SLC4A4: variants seen among roughly 807,000 people sequenced by gnomAD.
SLC4A4 encodes electrogenic sodium bicarbonate cotransporter 1.
In SLC4A4, 27 loss-of-function variants were observed where a neutral mutation model predicts 111.5. The ratio of observed to expected loss-of-function variants is 0.24; its 90% CI spans 0.18 to 0.33. The LOEUF (loss-of-function observed/expected upper bound fraction) is 0.33. Among genes scored for constraint, SLC4A4 ranks in the 10% least tolerant of loss-of-function variants. SLC4A4 has a pLI of 1.00. For synonymous variants in SLC4A4, 443 were observed against 463.4 expected (o/e 0.96, Z 0.57); for missense variants, 909 against 1,315.5 (o/e 0.69, Z 4.78).
chr4:71,514,534 T>A (rs1732207203), intron 16 of SLC4A4, among the ~76,000 whole-genome samples: 1 of 152,180 alleles, frequency 6.6e-6, no homozygotes, highest in African/African-American at 2.4e-5. Flanking sequence ...ACAGAAAAAT[T>A]CCCTCCTCTT....
At chr4:71,456,688 T>C (rs982945210) in intron 12 of SLC4A4, among the ~76,000 whole-genome samples, 6 of 152,164 alleles carry the variant, frequency 3.9e-5, no homozygotes, top group Non-Finnish European at 8.8e-5. Flanking sequence ...GAGATAAAGA[T>C]AGATGAGCAA....
At chr4:71,381,608 A>G (rs1451443472) in intron 6 of SLC4A4, among the ~76,000 whole-genome samples, 2 of 152,114 alleles carry the variant, frequency 1.3e-5, no homozygotes, top group East Asian at 1.9e-4. Context: ...TCATCAATTC[A>G]TTCATTCATT....
chr4:71,256,562 A>C (rs75619692), intron 3 of SLC4A4, among the ~76,000 whole-genome samples: 1 of 152,162 alleles, frequency 6.6e-6, no homozygotes, highest in Non-Finnish European at 1.5e-5. Context: ...AATTAAAAGC[A>C]TTGAAATAAA....
intron 6 of SLC4A4, among the ~76,000 whole-genome samples, chr4:71,385,202 T>A (rs1240983377): frequency 2.0e-5 from 2 of 102,182 alleles, no homozygotes; most frequent in Admixed American, 1.0e-4. Flanking sequence ...TTTTTTTTTT[T>A]TTTTTTTTTT....
chr4:71,422,027 A>T (rs1406174805), intron 7 of SLC4A4, among the ~76,000 whole-genome samples: 1 of 152,018 alleles, frequency 6.6e-6, no homozygotes, highest in Middle Eastern at 3.4e-3. Context: ...AAAACCCTTC[A>T]AAAAATTAAT....
intron 1 of SLC4A4, among the ~76,000 whole-genome samples, chr4:71,065,495 A>G (rs1239271950): frequency 6.6e-6 from 1 of 150,730 alleles, no homozygotes; most frequent in African/African-American, 2.4e-5. Flanking sequence ...ATGAAAATAT[A>G]TTTTCTTCAA....
rs550269652 is a variant in SLC4A4, at chr4:71,318,688, A to G, written c.254-20682A>G. ...GATTAGGTGAATATAACATTACAAGAACTAGGCATTGGCCAGCTTTTCTTT... is the reference window on the plus strand; with the variant it reads ...GATTAGGTGAATATAACATTACAAGGACTAGGCATTGGCCAGCTTTTCTTT... On this transcript the variant is annotated intron_variant, in intron 3 of 25. Coordinates refer to ENST00000264485, the MANE Select transcript of SLC4A4 (RefSeq NM_001098484.3). Among the ~76,000 whole-genome samples, 14 of 152,184 alleles carry G rather than the reference A, an allele frequency of 9.2e-5. No homozygotes were observed. In the South Asian group the frequency reaches 2.9e-3, roughly 32 times the overall value.
At chr4:71,117,876 CTTT>C (rs35554188) in intron 2 of SLC4A4, among the ~76,000 whole-genome samples, 3 of 58,640 alleles carry the variant, frequency 5.1e-5, no homozygotes, top group Non-Finnish European at 1.1e-4. Flanking sequence ...AATACATTTT[CTTT>C]TTTTTTTTTT....
chr4:71,375,005 G>C (rs1031531512), intron 6 of SLC4A4, among the ~76,000 whole-genome samples: 1 of 152,128 alleles, frequency 6.6e-6, no homozygotes, highest in African/African-American at 2.4e-5. Flanking sequence ...TATACCTCCA[G>C]TATACCACTA....
intron 2 of SLC4A4, among the ~76,000 whole-genome samples, chr4:71,106,419 C>T (rs1349054812): frequency 6.7e-6 from 1 of 148,924 alleles, no homozygotes; most frequent in Admixed American, 6.7e-5. Context: ...CATCCCATTA[C>T]TGGGTATATA....
intron 1 of SLC4A4, among the ~76,000 whole-genome samples, chr4:71,216,263 G>A (rs1718427303): frequency 6.6e-6 from 1 of 152,178 alleles, no homozygotes; most frequent in South Asian, 2.1e-4. Flanking sequence ...TACCAAAGAT[G>A]TGTTAACTGA....
At chr4:71,535,373 C>T (rs929650619) in intron 18 of SLC4A4, among the ~76,000 whole-genome samples, 4 of 152,042 alleles carry the variant, frequency 2.6e-5, no homozygotes, top group Admixed American at 2.6e-4. Context: ...ATAAACTATC[C>T]AAGTAGGGAG....
intron 16 of SLC4A4, among the ~76,000 whole-genome samples, chr4:71,522,744 CT>C (rs1231055468): frequency 6.6e-6 from 1 of 152,124 alleles, no homozygotes; most frequent in African/African-American, 2.4e-5. Flanking sequence ...AATATACTTC[CT>C]TGTTGTTATT....
intron 16 of SLC4A4, among the ~76,000 whole-genome samples, chr4:71,517,288 G>GT (rs536407116): frequency 6.7e-5 from 10 of 150,158 alleles, no homozygotes; most frequent in Non-Finnish European, 5.9e-5. Flanking sequence ...TCTTTTTATT[G>GT]TTTTTTTTCT....
chr4:71,454,390 C>G (rs1203761144), intron 12 of SLC4A4, among the ~76,000 whole-genome samples: 2 of 152,168 alleles, frequency 1.3e-5, no homozygotes, highest in African/African-American at 4.8e-5. Context: ...CAATCCTTTT[C>G]AGAAAAGCTA....
At chr4:71,397,768 A>G in intron 7 of SLC4A4, 115 bp downstream of exon 7, 1 of 886,582 alleles carries the variant, frequency 1.1e-6, no homozygotes, top group African/African-American at 1.6e-5. Flanking sequence ...ACGTGCAGAC[A>G]ACAGTTTGCA....
intron 3 of SLC4A4, chr4:71,339,031 T>A (rs1728664833): frequency 4.2e-6 from 6 of 1,441,980 alleles, no homozygotes; most frequent in Non-Finnish European, 5.5e-6. Context: ...TCTTATAATT[T>A]TGGATGAGTC....
chr4:71,536,324 G>A (rs1404675375), intron 18 of SLC4A4, among the ~76,000 whole-genome samples: 5 of 150,958 alleles, frequency 3.3e-5, no homozygotes, highest in South Asian at 2.1e-4. Flanking sequence ...ACAGAAAACC[G>A]TGTAAGATAG....
At chr4:71,159,905 T>C (rs1299141234) in intron 2 of SLC4A4, among the ~76,000 whole-genome samples, 2 of 151,928 alleles carry the variant, frequency 1.3e-5, no homozygotes, top group African/African-American at 4.8e-5. Context: ...TTCTATTCTA[T>C]AGTATTCTAT....
Sources: allele counts gnomAD v4.1 joint callset (sites outside exome capture counted in the v4.1 genomes callset), GRCh38; gene constraint gnomAD v4.1.1; transcripts MANE v1.5; gene names NCBI Gene and HGNC (gene_info 2026-07-23, HGNC 2026-07-21).